TANC2: variants seen among roughly 807,000 people sequenced by gnomAD.
TANC2 encodes the protein protein TANC2.
A neutral mutation model predicts 210.5 loss-of-function variants in TANC2; 26 were observed. The observed-to-expected ratio is 0.12, with a 90% CI of 0.09 to 0.17. The LOEUF (loss-of-function observed/expected upper bound fraction) is 0.17, where lower values mean the gene tolerates loss of function less well. Among genes scored for constraint, TANC2 ranks in the 10% least tolerant of loss-of-function variants. TANC2 has a pLI of 1.00. For synonymous variants in TANC2, 931 were observed against 967.1 expected (o/e 0.96, Z 0.69); for missense variants, 2,129 against 2,608.9 (o/e 0.82, Z 4.01).
At chr17:63,288,436 G>C (rs560447465) in intron 9 of TANC2, among the ~76,000 whole-genome samples, 1 of 152,322 alleles carries the variant, frequency 6.6e-6, no homozygotes, top group Non-Finnish European at 1.5e-5. Context: ...TTATGGTTCA[G>C]AATGTGGTCT....
intron 1 of TANC2, among the ~76,000 whole-genome samples, chr17:62,969,259 A>C (rs2031547301): frequency 1.3e-5 from 2 of 152,244 alleles, no homozygotes; most frequent in Non-Finnish European, 1.5e-5. Context: ...TCTGTTTTAC[A>C]GATGAGAATC....
chr17:62,978,667 T>C (rs947803736), intron 1 of TANC2: 1 of 152,238 alleles, frequency 6.6e-6, no homozygotes, highest in African/African-American at 2.4e-5. Flanking sequence ...AGCACCTTTT[T>C]GGCCTCTGTA....
At chr17:63,160,278 G>T (rs897683988) in intron 5 of TANC2, among the ~76,000 whole-genome samples, 4 of 152,202 alleles carry the variant, frequency 2.6e-5, no homozygotes, top group Non-Finnish European at 5.9e-5. Flanking sequence ...AGTGGCTCAT[G>T]CCTGTAATCC....
intron 18 of TANC2, among the ~76,000 whole-genome samples, chr17:63,397,878 T>C (rs1299156863): frequency 6.6e-6 from 1 of 152,260 alleles, no homozygotes; most frequent in Non-Finnish European, 1.5e-5. Flanking sequence ...TTTCAGAATT[T>C]CTGAGAATTT....
chr17:63,272,624 AT>A (rs1230603669), intron 9 of TANC2, among the ~76,000 whole-genome samples: 1 of 151,958 alleles, frequency 6.6e-6, no homozygotes, highest in Non-Finnish European at 1.5e-5. Flanking sequence ...GTCATCTCTG[AT>A]TTCTTTGAGC....
chr17:63,342,214 G>T (rs1035944166), intron 12 of TANC2, among the ~76,000 whole-genome samples: 4 of 151,446 alleles, frequency 2.6e-5, no homozygotes, highest in East Asian at 1.9e-4. Flanking sequence ...TGTATAACAA[G>T]AATTTAAAAT....
At chr17:63,069,189 G>A (rs941300166) in intron 2 of TANC2, among the ~76,000 whole-genome samples, 1 of 151,910 alleles carries the variant, frequency 6.6e-6, no homozygotes, top group African/African-American at 2.4e-5. Flanking sequence ...TAACTTATTT[G>A]TATATAATTT....
At chr17:62,967,118 A>C (rs1308037153) in intron 1 of TANC2, 2 of 152,228 alleles carry the variant, frequency 1.3e-5, no homozygotes, top group Non-Finnish European at 2.9e-5. Flanking sequence ...TAGTTGCGAA[A>C]TGTGCCAGGT....
chr17:63,053,550 C>T (rs780184987), intron 2 of TANC2, among the ~76,000 whole-genome samples: 13 of 152,218 alleles, frequency 8.5e-5, no homozygotes, highest in African/African-American at 1.2e-4. Flanking sequence ...CCTCTTTTCT[C>T]TCTTTTTGTG....
chr17:62,974,364 C>G (rs1451238728), intron 1 of TANC2, among the ~76,000 whole-genome samples: 1 of 152,042 alleles, frequency 6.6e-6, no homozygotes, highest in African/African-American at 2.4e-5. Context: ...TTTCTTCGCT[C>G]ACATCTCAGT....
intron 4 of TANC2, among the ~76,000 whole-genome samples, chr17:63,144,175 T>C (rs1250615880): frequency 6.6e-6 from 1 of 152,176 alleles, no homozygotes; most frequent in Non-Finnish European, 1.5e-5. Context: ...ATTTTTTAAA[T>C]GGATATAATT....
At chr17:63,024,414 G>C (rs1008109799) in intron 2 of TANC2, among the ~76,000 whole-genome samples, 5 of 152,154 alleles carry the variant, frequency 3.3e-5, no homozygotes, top group Admixed American at 2.6e-4. Context: ...GGCACTGGTG[G>C]GCATGTAGCA....
chr17:63,406,697 G>A (rs1213609115), intron 21 of TANC2, among the ~76,000 whole-genome samples: 1 of 152,196 alleles, frequency 6.6e-6, no homozygotes, highest in Non-Finnish European at 1.5e-5. Flanking sequence ...CTATTTGGGG[G>A]ATCAAGATTA....
At chr17:63,060,577 A>G (rs554970094) in intron 2 of TANC2, among the ~76,000 whole-genome samples, 7 of 152,218 alleles carry the variant, frequency 4.6e-5, no homozygotes, top group Admixed American at 4.6e-4. Flanking sequence ...CTGAGATCGC[A>G]CCACTGCACT....
At chr17:63,287,482 C>G (rs2044259750) in intron 9 of TANC2, among the ~76,000 whole-genome samples, 1 of 152,032 alleles carries the variant, frequency 6.6e-6, no homozygotes. Context: ...TGAATTTTAG[C>G]TTGTTGGGTG....
chr17:63,303,160 C>G (rs913290519), intron 9 of TANC2, among the ~76,000 whole-genome samples: 4 of 152,148 alleles, frequency 2.6e-5, no homozygotes, highest in African/African-American at 4.8e-5. Flanking sequence ...ATCTTGTTAT[C>G]TCACACACTA....
intron 2 of TANC2, among the ~76,000 whole-genome samples, chr17:63,060,865 G>A (rs1439498985): frequency 6.6e-6 from 1 of 152,020 alleles, no homozygotes; most frequent in Non-Finnish European, 1.5e-5. Context: ...CAGATTCTTT[G>A]TGTATTTTAA....
chr17:63,376,920 C>G (rs1305146218), intron 14 of TANC2, among the ~76,000 whole-genome samples: 1 of 151,780 alleles, frequency 6.6e-6, no homozygotes, highest in African/African-American at 2.4e-5. Flanking sequence ...CAGGTTCATG[C>G]CATTCTCCTG....
chr17:63,030,427 T>A (rs926654901), intron 2 of TANC2, among the ~76,000 whole-genome samples: 12 of 152,184 alleles, frequency 7.9e-5, no homozygotes, highest in African/African-American at 2.9e-4. Context: ...GTATTGTTTA[T>A]TGTTCTCAGG....
Sources: allele counts gnomAD v4.1 joint callset (sites outside exome capture counted in the v4.1 genomes callset), GRCh38; gene constraint gnomAD v4.1.1; transcripts MANE v1.5; gene names NCBI Gene and HGNC (gene_info 2026-07-23, HGNC 2026-07-21).